Variants in ZNF596 observed in about 807,000 individuals in gnomAD.
The protein encoded by ZNF596 is zinc finger protein 596.
A neutral mutation model predicts 48.3 loss-of-function variants in ZNF596; 45 were observed. That is an observed-to-expected ratio of 0.93 (90% CI 0.73 to 1.19). The LOEUF (loss-of-function observed/expected upper bound fraction) is 1.19. Among genes scored for constraint, ZNF596 ranks in the 50% most tolerant of loss-of-function variants. The pLI is 0.00. For missense variants in ZNF596, 848 were observed against 599.7 expected (o/e 1.41, Z -4.32); for synonymous variants, 270 against 202.0 (o/e 1.34, Z -2.85).
Position 246,402 on chromosome 8 carries a change from A to G in ZNF596, c.*40A>G, listed in dbSNP as rs1584918513. ...AGCGTTAACACTAAATACACCAAGG[A>G]CAAACATACTACAGGAATATTATGT... On this transcript the variant is annotated 3_prime_UTR_variant, in exon 6 of 6. Transcript: ENST00000398612. The G allele has an allele frequency of 3.3e-6, 5 of 1,530,208 alleles. No homozygotes were observed. Among genetic ancestry groups the G allele is most frequent in the East Asian group, 2.3e-5 (1 of 44,388 alleles). The allele number at this position is 1,530,208 out of a possible 1,614,324, so 94.8% of individuals were successfully genotyped here. A position where few individuals can be genotyped will look rare whatever the true frequency, so the allele number is the denominator to read the frequency against.
At chr8:244,786 T>G in intron 5 of ZNF596, 85 bp downstream of exon 5, 1 of 1,117,580 alleles carries the variant, frequency 8.9e-7, no homozygotes, top group South Asian at 1.4e-5. Flanking sequence ...GGTACCTGAC[T>G]GTACTTAAAG....
At position 240,881 on chromosome 8, in the gene ZNF596, G is replaced by A; in HGVS notation, c.-15G>A. The A allele has an allele frequency of 6.2e-7, 1 of 1,614,076 alleles. No individual in the cohort carries two copies. The highest frequency in any genetic ancestry group is 8.5e-7 in the Non-Finnish European group (1 of 1,179,986). ...GAAAACCCAGAGGAATACATTTGGT[G>A]GCTGAGCTAGTACAATGCCATCACC... On this transcript the variant is annotated 5_prime_UTR_variant, in exon 2 of 6. Transcript: ENST00000398612.
chr8:240,580 G>T, intron 1 of ZNF596: 1 of 347,580 alleles, frequency 2.9e-6, no homozygotes, highest in Non-Finnish European at 5.2e-6. Flanking sequence ...AATTCCATGC[G>T]CTAGGTGGCA....
Position 246,366 on chromosome 8 carries a change from T to G in ZNF596, c.*4T>G, listed in dbSNP as rs368162257. 6.4e-7 allele frequency: 1 copy of G among 1,572,734 alleles called. No individual in the cohort carries two copies. Among genetic ancestry groups the G allele is most frequent in the East Asian group, 2.2e-5 (1 of 44,686 alleles). ...TAAAAAAGCAATGAATATGTAAGAA[T>G]CATCAGCTGTAGCGTTAACACTAAA... On this transcript the variant is annotated 3_prime_UTR_variant, in exon 6 of 6. Coordinates refer to ENST00000398612, the MANE Select transcript of ZNF596 (RefSeq NM_001042416.3).
intron 1 of ZNF596, chr8:233,240 T>G (rs1796487986): frequency 2.4e-6 from 1 of 412,038 alleles, no homozygotes; most frequent in South Asian, 1.8e-5. Flanking sequence ...AGCAGAGATA[T>G]GGAGGACAGA....
At position 246,519 on chromosome 8, in the gene ZNF596, GT is replaced by G; in HGVS notation, c.*160del. 2.1e-6 allele frequency: 2 copies of G among 936,718 alleles called. No homozygotes were observed. The highest frequency in any genetic ancestry group is 3.1e-6 in the Non-Finnish European group (2 of 651,670). The allele number at this position is 936,718 out of a possible 1,614,324, so 58.0% of individuals were successfully genotyped here. On this transcript the variant is annotated 3_prime_UTR_variant, in exon 6 of 6. Coordinates refer to ENST00000398612, the MANE Select transcript of ZNF596 (RefSeq NM_001042416.3). The stretch of plus-strand genomic sequence containing the variant: ...TAGAGAGAATCCAGATGTATTTAAT[GT>G]TTATGGCACAAACTTCAGACTCTAG...
rs1159567074 is a variant in ZNF596, at chr8:246,810, G to A, written c.*448G>A. The A allele has an allele frequency of 1.9e-5, 3 of 155,214 alleles. No individual in the cohort carries two copies. Among genetic ancestry groups the A allele is most frequent in the Non-Finnish European group, 4.3e-5 (3 of 70,228 alleles). 9.6% of individuals were successfully genotyped at this position (155,214 alleles called of 1,614,324 possible). Reference sequence around the variant, plus strand: ...GTGTGTGCAAGAAAATTCATTATAAGGTAACTGATAAAAACAGGAAATATG... The same window carrying A: ...GTGTGTGCAAGAAAATTCATTATAAAGTAACTGATAAAAACAGGAAATATG... On this transcript the variant is annotated 3_prime_UTR_variant, in exon 6 of 6. Transcript: ENST00000398612.
chr8:242,042 TGTG>T (rs1796873179), intron 2 of ZNF596, among the ~76,000 whole-genome samples: 2 of 152,216 alleles, frequency 1.3e-5, no homozygotes, highest in African/African-American at 2.4e-5. Context: ...TCCCCCAACA[TGTG>T]GGGATTACAA....
rs1380093261 is a variant in ZNF596, at chr8:246,680, C to T, written c.*318C>T. On this transcript the variant is annotated 3_prime_UTR_variant, in exon 6 of 6. Transcript: ENST00000398612. ...TGTGCCTGTCGTCAGTGTGAAAATG[C>T]CTTTGCTGATAATTTATCCTCTAAA... 5 of 235,114 alleles carry T rather than the reference C, an allele frequency of 2.1e-5. No homozygotes were observed. The highest frequency in any genetic ancestry group is 4.1e-5 in the Non-Finnish European group (5 of 121,780). 14.6% of individuals were successfully genotyped at this position (235,114 alleles called of 1,614,324 possible).
Position 245,162 on chromosome 8 carries a change from T to A in ZNF596, c.315T>A (p.His105Gln), listed in dbSNP as rs1388694853. The A allele has an allele frequency of 1.3e-6, 2 of 1,582,614 alleles. No homozygotes were observed. The highest frequency in any genetic ancestry group is 1.8e-5 in the Admixed American group (1 of 55,120). The change falls in exon 6 of 6, where the codon CAT (histidine) becomes CAA (glutamine). Residue 105 changes from histidine (H) to glutamine (Q), a missense_variant. His to Gln is a conservative substitution (Grantham distance 24). Coordinates refer to ENST00000398612, the MANE Select transcript of ZNF596 (RefSeq NM_001042416.3). ...GTSTISTMRS[H>Q]TQEDPFLCND... is the part of the protein sequence containing the mutation. ...TTCATTCCCAAAACCAGAGATCTCA[T>A]ACTCAAGAGGATCCTTTTCTATGCA...
intron 3 of ZNF596, 160 bp downstream of exon 3, chr8:243,173 C>G (rs1796923395): frequency 5.5e-6 from 3 of 546,504 alleles, no homozygotes; most frequent in Non-Finnish European, 8.7e-6. Flanking sequence ...AATTACCTGA[C>G]AGCCATTTCT....
intron 1 of ZNF596, among the ~76,000 whole-genome samples, chr8:237,889 C>T (rs150629544): frequency 6.6e-6 from 1 of 152,332 alleles, no homozygotes; most frequent in Non-Finnish European, 1.5e-5. Flanking sequence ...TGAGCTTCTG[C>T]CATCTGTCTT....
intron 1 of ZNF596, among the ~76,000 whole-genome samples, chr8:240,059 T>C (rs1796787665): frequency 6.6e-6 from 1 of 152,220 alleles, no homozygotes; most frequent in Non-Finnish European, 1.5e-5. Flanking sequence ...ACAAGGGTTT[T>C]GGGTGGCTCT....
chr8:235,115 A>G, intron 1 of ZNF596, among the ~76,000 whole-genome samples: 1 of 152,246 alleles, frequency 6.6e-6, no homozygotes. Context: ...TTGACAAATT[A>G]AGGTAGCATT....
At chr8:241,014 G>A (rs540116704) in intron 2 of ZNF596, 107 bp downstream of exon 2, 20 of 1,375,576 alleles carry the variant, frequency 1.5e-5, no homozygotes, top group African/African-American at 5.7e-5. Context: ...AAGGATCCAA[G>A]CTCCAATTAA....
rs878956107 is a variant in ZNF596 at position 245,584 on chromosome 8, C to A, written c.737C>A (p.Thr246Asn). ...CTTCGAAAACATGAGAGAACTCACA[C>A]TGGAGAGAAGCCATATGGATGTCAT... ...SDLRKHERTH[T>N]GEKPYGCHLC... The change falls in exon 6 of 6, where the codon ACT (threonine) becomes AAT (asparagine). Residue 246 changes from threonine to asparagine, a missense_variant. By Grantham distance (65) the Thr-to-Asn change is moderately conservative. Coordinates refer to ENST00000398612, the MANE Select transcript of ZNF596 (RefSeq NM_001042416.3). 6.2e-7 allele frequency: 1 copy of A among 1,613,788 alleles called. No individual in the cohort carries two copies. Among genetic ancestry groups the A allele is most frequent in the South Asian group, 1.1e-5 (1 of 91,032 alleles).
chr8:240,799 TG>T (rs1796822890), intron 1 of ZNF596, 24 bp from the exon 2 acceptor site: 4 of 1,492,048 alleles, frequency 2.7e-6, no homozygotes, highest in Non-Finnish European at 3.7e-6. Flanking sequence ...ATGGTTTTTT[TG>T]TTTTTGTTTT....
At chr8:233,083 G>T in intron 1 of ZNF596, 1 of 468,344 alleles carries the variant, frequency 2.1e-6, no homozygotes, top group Non-Finnish European at 4.4e-6. Flanking sequence ...AACAGAGGAG[G>T]GAGGTAGAGC....
chr8:238,074 G>A (rs954567335), intron 1 of ZNF596, among the ~76,000 whole-genome samples: 9 of 152,336 alleles, frequency 5.9e-5, no homozygotes, highest in African/African-American at 2.2e-4. Flanking sequence ...GGATGGACAT[G>A]CCTTTCAGTC....
Sources: allele counts gnomAD v4.1 joint callset (sites outside exome capture counted in the v4.1 genomes callset), GRCh38; gene constraint gnomAD v4.1.1; transcripts MANE v1.5; gene names NCBI Gene and HGNC (gene_info 2026-07-23, HGNC 2026-07-21).